FAXC: variants seen among roughly 807,000 people sequenced by gnomAD.
The protein encoded by FAXC is failed axon connections homolog.
FAXC carries 10 observed loss-of-function variants against 41.9 expected under a neutral mutation model. That is an observed-to-expected ratio of 0.24 (90% CI 0.15 to 0.41). The LOEUF (loss-of-function observed/expected upper bound fraction) is 0.41. FAXC is among the 10% of genes least tolerant of loss of function. The pLI, the probability that FAXC is intolerant of heterozygous loss-of-function variation, is 1.00. For synonymous variants in FAXC, 183 were observed against 183.8 expected, an observed-to-expected ratio of 1.00 and a Z score of 0.03; for missense variants, 399 against 510.9, an observed-to-expected ratio of 0.78 and a Z score of 2.11.
chr6:99,290,695 C>T (rs1456608513), intron 5 of FAXC, among the ~76,000 whole-genome samples: 1 of 151,494 alleles, frequency 6.6e-6, no homozygotes, highest in Non-Finnish European at 1.5e-5. Flanking sequence ...GAGCAAGACC[C>T]TGTCTCAAAA....
chr6:99,344,729 T>G (rs1773536287), intron 1 of FAXC, among the ~76,000 whole-genome samples: 1 of 152,214 alleles, frequency 6.6e-6, no homozygotes, highest in South Asian at 2.1e-4. Flanking sequence ...ACTATAGATC[T>G]GACAATTAAC....
chr6:99,346,473 G>A (rs369766725), intron 1 of FAXC, among the ~76,000 whole-genome samples: 2 of 152,218 alleles, frequency 1.3e-5, no homozygotes, highest in South Asian at 2.1e-4. Flanking sequence ...TGCAACCTCC[G>A]CCTCCTGGGT....
chr6:99,332,385 C>T (rs1337323600), intron 3 of FAXC, among the ~76,000 whole-genome samples: 2 of 152,210 alleles, frequency 1.3e-5, no homozygotes, highest in Non-Finnish European at 2.9e-5. Flanking sequence ...GGCTTAACAA[C>T]TCTTAATTCA....
chr6:99,297,327 A>AG (rs1771536297), intron 4 of FAXC, among the ~76,000 whole-genome samples: 1 of 152,154 alleles, frequency 6.6e-6, no homozygotes, highest in African/African-American at 2.4e-5. Context: ...GGATGAGCAG[A>AG]GCAGGGAGAA....
chr6:99,317,667 T>C (rs1354073484), intron 4 of FAXC, among the ~76,000 whole-genome samples: 1 of 152,214 alleles, frequency 6.6e-6, no homozygotes, highest in Non-Finnish European at 1.5e-5. Flanking sequence ...GTTTTTCTTA[T>C]CTGTCAAATG....
chr6:99,333,641 G>C, intron 2 of FAXC, 94 bp from the exon 3 acceptor site: 2 of 1,056,352 alleles, frequency 1.9e-6, no homozygotes, highest in Non-Finnish European at 2.7e-6. Context: ...CCTTATGTTT[G>C]ATAGTGACAG....
chr6:99,286,239 T>C (rs1771025096), intron 5 of FAXC, among the ~76,000 whole-genome samples: 1 of 152,232 alleles, frequency 6.6e-6, no homozygotes, highest in South Asian at 2.1e-4. Flanking sequence ...AATACTTGAA[T>C]ACTGTAATGA....
Position 99,323,562 on chromosome 6 carries a change from G to A in FAXC, c.705C>T (p.Cys235=), listed in dbSNP as rs1772669705. ...GTTTCACAATTCCTTTCGTTATGTG[G>A]CACACAACCCACCTCAGCAGGTTGC... The part of the protein sequence containing the change: ...PFSNLLRWVV[C]HITKGIVKRE... Residue 235 remains cysteine, a synonymous_variant, in exon 4 of 6, where the codon TGC becomes TGT. Coordinates refer to ENST00000389677, the MANE Select transcript of FAXC (RefSeq NM_032511.4). 1.2e-6 allele frequency: 2 copies of A among 1,614,118 alleles called. No homozygotes were observed. The highest frequency in any genetic ancestry group is 8.5e-7 in the Non-Finnish European group (1 of 1,179,976).
chr6:99,286,333 C>T (rs1038506479), intron 5 of FAXC, among the ~76,000 whole-genome samples: 11 of 152,296 alleles, frequency 7.2e-5, no homozygotes, highest in Middle Eastern at 6.8e-3. Flanking sequence ...CAAGGTAATT[C>T]GTTCCAGCCC....
intron 4 of FAXC, among the ~76,000 whole-genome samples, chr6:99,316,662 T>C (rs1772369802): frequency 1.3e-5 from 2 of 152,168 alleles, no homozygotes; most frequent in African/African-American, 4.8e-5. Context: ...GGCTTCCCAA[T>C]CTGGAGGGAT....
chr6:99,296,336 G>A (rs73759616), intron 4 of FAXC, among the ~76,000 whole-genome samples: 1,903 of 152,186 alleles, frequency 0.013, 51 homozygotes, highest in African/African-American at 0.044. Context: ...ACTGAGGGAG[G>A]AGACTTGGGT....
At position 99,316,345 on chromosome 6, in the gene FAXC, A is replaced by C. The variant is rs866595452; in HGVS notation, c.823+7099T>G. 3.3e-4 allele frequency among the ~76,000 whole-genome samples: 51 copies of C among 152,314 alleles called. 1 individual carries two copies. The highest frequency in any genetic ancestry group is 1.1e-3 in the African/African-American group (47 of 41,574). ...GACAACAACCCAAGGCACACTCCCC[A>C]GAGGGTAGCTCTTCTACATGTGTTA... On this transcript the variant is annotated intron_variant, in intron 4 of 5. Coordinates refer to ENST00000389677, the MANE Select transcript of FAXC (RefSeq NM_032511.4).
chr6:99,325,111 T>TA (rs2128460434), intron 3 of FAXC, among the ~76,000 whole-genome samples: 1 of 151,634 alleles, frequency 6.6e-6, no homozygotes, highest in East Asian at 1.9e-4. Context: ...TTTGTTTTTT[T>TA]TTTTAAATCA....
chr6:99,293,665 A>AGTGTGTGTGTGTGTGTGTGTGTGT (rs55827992), intron 4 of FAXC, among the ~76,000 whole-genome samples: 1 of 123,170 alleles, frequency 8.1e-6, no homozygotes, highest in Non-Finnish European at 1.7e-5. Context: ...CTCTATACAC[A>AGTGTGTGTGTGTGTGTGTGTGTGT]GTGTGTGTGT....
In FAXC at chr6:99,323,510, G is replaced by C. The variant is rs767535898; in HGVS notation, c.757C>G (p.Arg253Gly). 1 of 1,614,158 alleles carries C rather than the reference G, an allele frequency of 6.2e-7. No homozygotes were observed. Among genetic ancestry groups the C allele is most frequent in the Admixed American group, 1.7e-5 (1 of 60,028 alleles). Residue 253 changes from arginine (R) to glycine (G), a missense_variant, in exon 4 of 6, where the codon CGC becomes GGC. Transcript: ENST00000389677. ...ATGTAAATCTCTTCCTCGGAGAAGC[G>C]GCCAATGCCGTGGCCGTGCATCTCG... ...KREMHGHGIG[R>G]FSEEEIYMLM...
At chr6:99,306,103 CAG>C (rs1444711878) in intron 4 of FAXC, among the ~76,000 whole-genome samples, 1 of 152,002 alleles carries the variant, frequency 6.6e-6, no homozygotes, top group Non-Finnish European at 1.5e-5. Context: ...GCTATTTAGA[CAG>C]AGACATGAAT....
chr6:99,288,278 A>G (rs1771095661), intron 5 of FAXC, among the ~76,000 whole-genome samples: 1 of 152,210 alleles, frequency 6.6e-6, no homozygotes, highest in South Asian at 2.1e-4. Context: ...ATGTGTATGT[A>G]CACACATATG....
rs1276262080 is a variant in FAXC at position 99,281,332 on chromosome 6, G to C, written c.1062C>G (p.Thr354=). The change falls in exon 6 of 6, where the codon ACC becomes ACG. Residue 354 remains threonine, a synonymous_variant. Coordinates refer to ENST00000389677, the MANE Select transcript of FAXC (RefSeq NM_032511.4). Reference sequence around the variant, plus strand: ...AGCTAAAATCCAGCAGCGGGGTGTGGGTTTTGCTGCCTTCGCTGCTCTCCT... The same window carrying C: ...AGCTAAAATCCAGCAGCGGGGTGTGCGTTTTGCTGCCTTCGCTGCTCTCCT... ...ESEESSEGSK[T]HTPLLDFSFY... is the part of the protein sequence containing the mutation. 6 of 1,614,002 alleles carry C rather than the reference G, an allele frequency of 3.7e-6. No individual in the cohort carries two copies. Among genetic ancestry groups the C allele is most frequent in the African/African-American group, 2.7e-5 (2 of 74,882 alleles).
At chr6:99,324,464 T>A (rs184023690) in intron 3 of FAXC, among the ~76,000 whole-genome samples, 38 of 152,248 alleles carry the variant, frequency 2.5e-4, no homozygotes, top group Admixed American at 2.3e-3. Flanking sequence ...TCCAAGAAAA[T>A]CAACTCTTTA....
Sources: allele counts gnomAD v4.1 joint callset (sites outside exome capture counted in the v4.1 genomes callset), GRCh38; gene constraint gnomAD v4.1.1; transcripts MANE v1.5; gene names NCBI Gene and HGNC (gene_info 2026-07-23, HGNC 2026-07-21).